Variants in PVT1 observed in about 807,000 individuals in gnomAD.
The protein encoded by PVT1 is Pvt1 oncogene, also known as CXCR4/PVT1 fusion.
intron 2 of PVT1, among the ~76,000 whole-genome samples, chr8:127,822,833 A>G (rs912893210): frequency 1.3e-5 from 2 of 152,214 alleles, no homozygotes; most frequent in East Asian, 1.9e-4. Context: ...GCAAACTGCA[A>G]TGTGGCAAGT....
chr8:128,009,980 CA>C (rs1381487933), intron 4 of PVT1, among the ~76,000 whole-genome samples: 1 of 152,076 alleles, frequency 6.6e-6, no homozygotes, highest in Non-Finnish European at 1.5e-5. Flanking sequence ...TGAGGCTGAA[CA>C]GCAAGAATCT....
chr8:127,900,068 G>A (rs1815739447), intron 3 of PVT1, among the ~76,000 whole-genome samples: 1 of 151,862 alleles, frequency 6.6e-6, no homozygotes, highest in Non-Finnish European at 1.5e-5. Context: ...TTGAGATGCA[G>A]TCTCGCTCTG....
chr8:127,809,029 C>CA (rs1158760672), intron 2 of PVT1, among the ~76,000 whole-genome samples: 912 of 28,198 alleles, frequency 0.032, 78 homozygotes, highest in African/African-American at 0.096. Flanking sequence ...GATTCCATCT[C>CA]AAAAAAAAAA....
intron 2 of PVT1, among the ~76,000 whole-genome samples, chr8:127,825,210 G>A (rs754654577): frequency 3.3e-5 from 5 of 150,766 alleles, no homozygotes; most frequent in Non-Finnish European, 5.9e-5. Flanking sequence ...CTGTGCATGT[G>A]TGCACATATG....
chr8:127,860,304 C>T (rs536279820), intron 2 of PVT1, among the ~76,000 whole-genome samples: 4 of 152,310 alleles, frequency 2.6e-5, no homozygotes, highest in African/African-American at 7.2e-5. Flanking sequence ...TGCCAGGAAC[C>T]GCCAGAACCA....
At chr8:127,861,861 T>C (rs1416009997) in intron 2 of PVT1, among the ~76,000 whole-genome samples, 3 of 152,220 alleles carry the variant, frequency 2.0e-5, no homozygotes, top group African/African-American at 7.2e-5. Flanking sequence ...ATCAGCCAAG[T>C]CAGTCCTGCG....
chr8:127,826,941 C>CA (rs1278130930), intron 2 of PVT1, among the ~76,000 whole-genome samples: 3 of 151,522 alleles, frequency 2.0e-5, no homozygotes, highest in African/African-American at 7.3e-5. Flanking sequence ...TATCTGAACT[C>CA]ACGTGCCCTG....
intron 3 of PVT1, among the ~76,000 whole-genome samples, chr8:127,976,622 T>C (rs993965445): frequency 6.6e-6 from 1 of 152,194 alleles, no homozygotes; most frequent in Non-Finnish European, 1.5e-5. Flanking sequence ...CACCGGCACC[T>C]ACTTATTGAA....
intron 5 of PVT1, among the ~76,000 whole-genome samples, chr8:128,072,249 A>G (rs1364702340): frequency 6.6e-6 from 1 of 152,074 alleles, no homozygotes; most frequent in Non-Finnish European, 1.5e-5. Context: ...CAAAGACCAC[A>G]AAGACATAGT....
chr8:127,963,768 T>C (rs1301511908), intron 3 of PVT1, among the ~76,000 whole-genome samples: 43 of 152,104 alleles, frequency 2.8e-4, no homozygotes. Flanking sequence ...GGGGCCCAGG[T>C]GGGGTTGGAA....
At chr8:128,029,312 G>T (rs1398579831) in intron 4 of PVT1, among the ~76,000 whole-genome samples, 1 of 151,422 alleles carries the variant, frequency 6.6e-6, no homozygotes, top group Non-Finnish European at 1.5e-5. Context: ...TTTTTTGCAG[G>T]AAACGAGGTC....
In PVT1 at chr8:127,866,147, A is replaced by G. The variant is rs566654291; in HGVS notation, n.373-24442A>G. On this transcript the variant is annotated intron_variant and non_coding_transcript_variant, in intron 2 of 10. Coordinates refer to ENST00000651587, the Ensembl canonical transcript of PVT1. ...AAATTGTTGGTCTGTTGGCGTTCTC[A>G]GGAGCCCTTTACCAGTACCCTTAGG... is the stretch of plus-strand genomic sequence containing the variant. Among the ~76,000 whole-genome samples, 12 of 152,248 alleles carry G rather than the reference A, an allele frequency of 7.9e-5. No individual in the cohort carries two copies. The South Asian group carries it at 2.5e-3, about 32-fold the overall frequency.
At chr8:127,815,288 A>T (rs1362845755) in intron 2 of PVT1, among the ~76,000 whole-genome samples, 1 of 152,206 alleles carries the variant, frequency 6.6e-6, no homozygotes, top group African/African-American at 2.4e-5. Flanking sequence ...TTTCAAAGGT[A>T]TATCTCCGTT....
At chr8:127,883,726 G>A (rs1383452144) in intron 2 of PVT1, among the ~76,000 whole-genome samples, 1 of 152,220 alleles carries the variant, frequency 6.6e-6, no homozygotes, top group East Asian at 1.9e-4. Context: ...CTGACAGCCT[G>A]GGAGGCAGAG....
At chr8:128,094,994 C>T (rs1432373073) in intron 5 of PVT1, among the ~76,000 whole-genome samples, 1 of 152,232 alleles carries the variant, frequency 6.6e-6, no homozygotes, top group Non-Finnish European at 1.5e-5. Context: ...CGGAGAGCAA[C>T]TTCTATTAGG....
chr8:128,003,348 C>CCTCCTT (rs567721331), intron 4 of PVT1, among the ~76,000 whole-genome samples: 480 of 150,530 alleles, frequency 3.2e-3, no homozygotes, highest in African/African-American at 0.011. Context: ...CCTCCCTTCT[C>CCTCCTT]CTCCTTCTCC....
rs140932377 is a variant in PVT1, at chr8:127,957,631, G to A, written n.783-31531G>A. Among the ~76,000 whole-genome samples, 22 of 152,016 alleles carry A rather than the reference G, an allele frequency of 1.4e-4. 1 individual carries two copies. In the East Asian group the frequency reaches 3.7e-3, roughly 25 times the overall value. On this transcript the variant is annotated intron_variant and non_coding_transcript_variant, in intron 3 of 10. Transcript: ENST00000651587. Reference sequence around the variant, plus strand: ...GTCTTCTGCAGGCCATGGGGGACATGGTCTTCATTTTATAGGTGAACAGAC... The same window carrying A: ...GTCTTCTGCAGGCCATGGGGGACATAGTCTTCATTTTATAGGTGAACAGAC...
chr8:127,985,617 G>A (rs1371824238), intron 3 of PVT1, among the ~76,000 whole-genome samples: 1 of 152,152 alleles, frequency 6.6e-6, no homozygotes, highest in Middle Eastern at 3.4e-3. Flanking sequence ...TAGCAAGCGT[G>A]GGGGCCAGGC....
chr8:127,874,012 G>A (rs1815379171), intron 2 of PVT1, among the ~76,000 whole-genome samples: 1 of 152,218 alleles, frequency 6.6e-6, no homozygotes, highest in South Asian at 2.1e-4. Context: ...ATTTAAGGCT[G>A]TGTAGTCACT....
Sources: allele counts gnomAD v4.1 joint callset (sites outside exome capture counted in the v4.1 genomes callset), GRCh38; gene constraint gnomAD v4.1.1; transcripts MANE v1.5; gene names NCBI Gene and HGNC (gene_info 2026-07-23, HGNC 2026-07-21).